SPOPL: variants seen among roughly 807,000 people sequenced by gnomAD.
The protein encoded by SPOPL is speckle-type POZ protein-like.
In SPOPL, 23 loss-of-function variants were observed where a neutral mutation model predicts 53.8. The observed-to-expected ratio is 0.43, with a 90% CI of 0.31 to 0.61. The LOEUF is 0.61. Among genes scored for constraint, SPOPL ranks in the 20% least tolerant of loss-of-function variants. The pLI is 0.12. For synonymous variants in SPOPL, 164 were observed against 149.7 expected (o/e 1.10, Z -0.70); for missense variants, 442 against 466.9 (o/e 0.95, Z 0.49).
At position 138,502,556 on chromosome 2, in the gene SPOPL, C is replaced by G. The variant is rs150662962; in HGVS notation, c.-61+437C>G. The stretch of plus-strand genomic sequence containing the variant: ...AGCGTCCACTTTCATACCTCCTCAT[C>G]CCAAATACAGACACTTGAAACTCTC... On this transcript the variant is annotated intron_variant, in intron 1 of 10. Transcript: ENST00000280098. Among the ~76,000 whole-genome samples, 383 of 152,330 alleles carry G rather than the reference C, an allele frequency of 2.5e-3. 2 individuals carry two copies. The highest frequency in any genetic ancestry group is 8.8e-3 in the African/African-American group (366 of 41,576).
chr2:138,557,946 G>A (rs1685463515), intron 5 of SPOPL, among the ~76,000 whole-genome samples: 1 of 152,220 alleles, frequency 6.6e-6, no homozygotes, highest in East Asian at 1.9e-4. Context: ...ATCACTTGAG[G>A]TCAGGAGTTC....
At chr2:138,539,455 G>C (rs1685016098) in intron 1 of SPOPL, among the ~76,000 whole-genome samples, 1 of 152,044 alleles carries the variant, frequency 6.6e-6, no homozygotes, top group African/African-American at 2.4e-5. Flanking sequence ...ACTGGTGTGA[G>C]ATGGTATCTC....
At chr2:138,507,231 C>T (rs1463902377) in intron 1 of SPOPL, among the ~76,000 whole-genome samples, 3 of 152,000 alleles carry the variant, frequency 2.0e-5, no homozygotes, top group African/African-American at 7.2e-5. Context: ...TAATATGAAC[C>T]ATATCTGTCT....
chr2:138,510,306 A>C (rs1490822092), intron 1 of SPOPL, among the ~76,000 whole-genome samples: 1 of 152,226 alleles, frequency 6.6e-6, no homozygotes, highest in Non-Finnish European at 1.5e-5. Flanking sequence ...ACTGTCTTTC[A>C]AAGTGGCCAT....
At chr2:138,537,287 T>C (rs145357238) in intron 1 of SPOPL, among the ~76,000 whole-genome samples, 339 of 152,202 alleles carry the variant, frequency 2.2e-3, no homozygotes, top group African/African-American at 7.3e-3. Flanking sequence ...CTGTCCCTTT[T>C]AAGGGCTTAT....
chr2:138,554,430 CT>C, intron 5 of SPOPL: 1 of 1,225,820 alleles, frequency 8.2e-7, no homozygotes, highest in East Asian at 6.1e-5. Context: ...GATGCCCTTC[CT>C]TCTACAGAAT....
At chr2:138,535,323 T>A (rs751111593) in intron 1 of SPOPL, among the ~76,000 whole-genome samples, 4 of 152,220 alleles carry the variant, frequency 2.6e-5, no homozygotes, top group Non-Finnish European at 5.9e-5. Flanking sequence ...TATGTTTCAG[T>A]CATTTGAACA....
At position 138,531,554 on chromosome 2, in the gene SPOPL, T is replaced by C. The variant is rs556514819; in HGVS notation, c.-60-18603T>C. ...TTCTGTGACTCCACTAAGTAGGTGT[T>C]AGACTCTTGCACTGTGTCTCACGTT... On this transcript the variant is annotated intron_variant, in intron 1 of 10. Transcript: ENST00000280098. Among the ~76,000 whole-genome samples, 58 of 152,330 alleles carry C rather than the reference T, an allele frequency of 3.8e-4. No individual in the cohort carries two copies. In the South Asian group the frequency reaches 4.8e-3, roughly 13 times the overall value.
intron 1 of SPOPL, among the ~76,000 whole-genome samples, chr2:138,544,159 C>A (rs898776029): frequency 3.3e-5 from 5 of 152,174 alleles, no homozygotes; most frequent in African/African-American, 1.2e-4. Context: ...GGGTGTCTCC[C>A]AGTTAGGCTA....
Position 138,515,775 on chromosome 2 carries a change from G to A in SPOPL, c.-61+13656G>A, listed in dbSNP as rs1684424458. Among the ~76,000 whole-genome samples the A allele has an allele frequency of 2.0e-5, 3 of 152,138 alleles. No individual in the cohort carries two copies. The South Asian group carries it at 6.2e-4, about 32-fold the overall frequency. ...CACATCGACTCTTAACTCCAGATAA[G>A]CTCATAGTTTTCCCTTTCTACATTT... On this transcript the variant is annotated intron_variant, in intron 1 of 10. Coordinates refer to ENST00000280098, the MANE Select transcript of SPOPL (RefSeq NM_001001664.3).
At chr2:138,534,565 A>T (rs1053941350) in intron 1 of SPOPL, among the ~76,000 whole-genome samples, 1 of 152,228 alleles carries the variant, frequency 6.6e-6, no homozygotes, top group Non-Finnish European at 1.5e-5. Context: ...ATATATGTGC[A>T]TATGGACTTC....
In SPOPL at chr2:138,516,329, TA is replaced by T. The variant is rs552106944; in HGVS notation, c.-61+14216del. On this transcript the variant is annotated intron_variant, in intron 1 of 10. Coordinates refer to ENST00000280098, the MANE Select transcript of SPOPL (RefSeq NM_001001664.3). The stretch of plus-strand genomic sequence containing the variant: ...TGAAGGCATAATGGGAATAATGACT[TA>T]AAAAATGGGAAGAGGCTAAGGAAGT... 5.9e-5 allele frequency among the ~76,000 whole-genome samples: 9 copies of T among 152,180 alleles called. No individual in the cohort carries two copies. The South Asian group carries it at 1.7e-3, about 28-fold the overall frequency.
chr2:138,561,306 TTCTC>T (rs1384733473), intron 8 of SPOPL, among the ~76,000 whole-genome samples: 1 of 152,202 alleles, frequency 6.6e-6, no homozygotes, highest in African/African-American at 2.4e-5. Context: ...TGTAACTTAA[TTCTC>T]TCCACATAGA....
At position 138,559,116 on chromosome 2, in the gene SPOPL, A is replaced by G. The variant is rs1356390058; in HGVS notation, c.575A>G (p.Asn192Ser). ...PECRLAEDLGNLWENTRFTDC... is the reference protein window; with the variant it reads ...PECRLAEDLGSLWENTRFTDC... The stretch of plus-strand genomic sequence containing the variant: ...TGTCGTCTAGCAGAAGATTTAGGTA[A>G]TCTCTGGGAAAACACAAGATTTACA... The change falls in exon 6 of 11, where the codon AAT (asparagine) becomes AGT (serine). Residue 192 changes from asparagine (N) to serine (S), a missense_variant. By Grantham distance (46) the Asn-to-Ser change is conservative. Transcript: ENST00000280098. The G allele has an allele frequency of 2.5e-6, 4 of 1,613,782 alleles. No homozygotes were observed. The highest frequency in any genetic ancestry group is 3.4e-6 in the Non-Finnish European group (4 of 1,179,886).
intron 5 of SPOPL, chr2:138,554,557 C>CT: frequency 8.0e-7 from 1 of 1,256,058 alleles, no homozygotes; most frequent in Non-Finnish European, 1.0e-6. Flanking sequence ...GGGTGCTACC[C>CT]TTTTTGCACA....
chr2:138,544,669 C>G (rs1260630083), intron 1 of SPOPL, among the ~76,000 whole-genome samples: 1 of 152,206 alleles, frequency 6.6e-6, no homozygotes, highest in Non-Finnish European at 1.5e-5. Flanking sequence ...ATTCCCTGAC[C>G]CCTTGTGCTT....
chr2:138,536,076 C>T (rs1684925398), intron 1 of SPOPL, among the ~76,000 whole-genome samples: 1 of 152,068 alleles, frequency 6.6e-6, no homozygotes, highest in South Asian at 2.1e-4. Context: ...TAGTTCTTTA[C>T]ACATACTTAT....
At chr2:138,565,717 T>G (rs994250538) in intron 10 of SPOPL, among the ~76,000 whole-genome samples, 3 of 152,210 alleles carry the variant, frequency 2.0e-5, no homozygotes, top group Non-Finnish European at 4.4e-5. Context: ...TATCAAAAGT[T>G]GATAAAAGAA....
chr2:138,552,206 A>G (rs1052928653), intron 4 of SPOPL, among the ~76,000 whole-genome samples: 1 of 152,026 alleles, frequency 6.6e-6, no homozygotes, highest in African/African-American at 2.4e-5. Flanking sequence ...TAGTGTGCCT[A>G]TACCAACATA....
Sources: allele counts gnomAD v4.1 joint callset (sites outside exome capture counted in the v4.1 genomes callset), GRCh38; gene constraint gnomAD v4.1.1; transcripts MANE v1.5; gene names NCBI Gene and HGNC (gene_info 2026-07-23, HGNC 2026-07-21).